Variants in FRMD5 observed in about 807,000 individuals in gnomAD.
FRMD5 encodes FERM domain containing 5, also known as FERM domain-containing protein 5.
Under a neutral mutation model 69.0 loss-of-function variants are expected in FRMD5, and 20 were observed. The ratio of observed to expected loss-of-function variants is 0.29; its 90% CI spans 0.20 to 0.42. The LOEUF is 0.42. Among genes scored for constraint, FRMD5 ranks in the 10% least tolerant of loss-of-function variants. The pLI, the probability that FRMD5 is intolerant of heterozygous loss-of-function variation, is 1.00. For synonymous variants in FRMD5, 271 were observed against 260.1 expected (o/e 1.04, Z -0.40); for missense variants, 595 against 708.6 (o/e 0.84, Z 1.82).
intron 1 of FRMD5, among the ~76,000 whole-genome samples, chr15:44,186,579 T>C (rs1309781164): frequency 6.6e-6 from 1 of 152,224 alleles, no homozygotes; most frequent in Non-Finnish European, 1.5e-5. Flanking sequence ...GCATGCGGGT[T>C]TGATGTACCA....
At chr15:44,011,188 T>TTTTCTTCCTCTCTCCCTCCC (rs11268407) in intron 1 of FRMD5, among the ~76,000 whole-genome samples, 130,483 of 148,586 alleles carry the variant, frequency 0.88, 58,361 homozygotes, top group East Asian at 1. Context: ...CCCTTCCTTC[T>TTTTCTTCCTCTCTCCCTCCC]TTTCTTCCTC....
At chr15:44,032,957 C>G (rs551261416) in intron 1 of FRMD5, among the ~76,000 whole-genome samples, 2 of 152,246 alleles carry the variant, frequency 1.3e-5, no homozygotes, top group South Asian at 2.1e-4. Flanking sequence ...AGGAATCAAC[C>G]TAAATGCCCA....
intron 1 of FRMD5, among the ~76,000 whole-genome samples, chr15:43,927,826 C>T (rs146498445): frequency 3.1e-4 from 47 of 151,948 alleles, no homozygotes; most frequent in African/African-American, 1.1e-3. Flanking sequence ...ATACATACAA[C>T]AACCAGATTA....
At chr15:43,918,154 G>A (rs566418812) in intron 4 of FRMD5, among the ~76,000 whole-genome samples, 1 of 152,294 alleles carries the variant, frequency 6.6e-6, no homozygotes, top group East Asian at 1.9e-4. Flanking sequence ...GGCCGGGCAC[G>A]GTGGCTCATG....
At chr15:43,908,227 C>G (rs2089216448) in intron 5 of FRMD5, among the ~76,000 whole-genome samples, 1 of 150,352 alleles carries the variant, frequency 6.7e-6, no homozygotes. Flanking sequence ...ACTTGGGAGG[C>G]TGAGGTGGGA....
intron 1 of FRMD5, among the ~76,000 whole-genome samples, chr15:44,065,831 C>G (rs1452374188): frequency 6.6e-6 from 1 of 152,172 alleles, no homozygotes; most frequent in African/African-American, 2.4e-5. Context: ...TACTTTTTAT[C>G]TCCATAATTG....
intron 13 of FRMD5, among the ~76,000 whole-genome samples, chr15:43,874,975 G>A (rs907287356): frequency 1.3e-5 from 2 of 149,792 alleles, no homozygotes; most frequent in Non-Finnish European, 3.0e-5. Context: ...CAAGGCGGGC[G>A]GATCATGAGG....
At chr15:44,104,532 T>C (rs976314460) in intron 1 of FRMD5, among the ~76,000 whole-genome samples, 1 of 152,194 alleles carries the variant, frequency 6.6e-6, no homozygotes, top group Non-Finnish European at 1.5e-5. Context: ...CCCATATAGG[T>C]GTACCATTTT....
rs541649379 is a variant in FRMD5 at position 43,888,546 on chromosome 15, C to T, written c.792+263G>A. Among the ~76,000 whole-genome samples the T allele has an allele frequency of 3.3e-5, 5 of 152,260 alleles. No individual in the cohort carries two copies. The East Asian group carries it at 7.7e-4, about 23-fold the overall frequency. ...CTTGCCTCTGGAATTCCCATATACA[C>T]GAAAGAAAAAGAGCCTTCCTTTGCA... On this transcript the variant is annotated intron_variant, in intron 9 of 13. Transcript: ENST00000417257.
intron 2 of FRMD5, among the ~76,000 whole-genome samples, chr15:43,921,584 T>G (rs948298713): frequency 6.6e-6 from 1 of 152,192 alleles, no homozygotes; most frequent in African/African-American, 2.4e-5. Flanking sequence ...AATATGGTGA[T>G]GGCCAGAGTG....
At chr15:44,080,313 A>G (rs1173211734) in intron 1 of FRMD5, among the ~76,000 whole-genome samples, 2 of 152,148 alleles carry the variant, frequency 1.3e-5, no homozygotes, top group Non-Finnish European at 2.9e-5. Flanking sequence ...GTTTGTAGGT[A>G]TATGGGATTA....
intron 1 of FRMD5, chr15:43,989,067 G>A (rs7179696): frequency 0.013 from 11,432 of 893,722 alleles, 499 homozygotes; most frequent in African/African-American, 0.11. Context: ...CCGCCTAGAA[G>A]CATCTGCGGT....
At chr15:44,153,419 A>G (rs2077477316) in intron 1 of FRMD5, among the ~76,000 whole-genome samples, 1 of 152,258 alleles carries the variant, frequency 6.6e-6, no homozygotes, top group African/African-American at 2.4e-5. Context: ...AGGCTTTAAC[A>G]TAAATAAACC....
At chr15:44,013,058 GC>G (rs1458498960) in intron 1 of FRMD5, among the ~76,000 whole-genome samples, 1 of 152,104 alleles carries the variant, frequency 6.6e-6, no homozygotes, top group Non-Finnish European at 1.5e-5. Context: ...GAGCCATTGC[GC>G]CCCGCCTATT....
rs2088197307 is a variant in FRMD5 at position 43,872,859 on chromosome 15, G to T, written c.*1026C>A. The T allele has an allele frequency of 3.4e-6, 1 of 290,850 alleles. No individual in the cohort carries two copies. The allele number at this position is 290,850 out of a possible 1,614,324, so 18.0% of individuals were successfully genotyped here. A position where few individuals can be genotyped will look rare whatever the true frequency, so the allele number is the denominator to read the frequency against. ...GTAAAAACAAAATATGAATTGTTAA[G>T]AAAATAACATTTCGTTGTTAAAATA... On this transcript the variant is annotated 3_prime_UTR_variant, in exon 14 of 14. Transcript: ENST00000417257.
chr15:43,910,600 A>AAAAAAT (rs11388674), intron 4 of FRMD5, among the ~76,000 whole-genome samples: 8 of 150,052 alleles, frequency 5.3e-5, no homozygotes, highest in Non-Finnish European at 1.2e-4. Flanking sequence ...AAAAAAAAAA[A>AAAAAAT]TTGCAACAAG....
intron 1 of FRMD5, among the ~76,000 whole-genome samples, chr15:44,051,416 G>T (rs552408562): frequency 6.6e-6 from 1 of 150,488 alleles, no homozygotes; most frequent in South Asian, 2.1e-4. Context: ...ACAAAAATTA[G>T]CCCAGTTTTA....
intron 1 of FRMD5, among the ~76,000 whole-genome samples, chr15:44,139,263 A>G (rs928082697): frequency 1.3e-5 from 2 of 151,378 alleles, no homozygotes; most frequent in African/African-American, 4.9e-5. Context: ...AACAATTACA[A>G]GAACAGAAAC....
chr15:43,951,982 GTGTGTGTGTGTGTGTGTC>G (rs1236607038), intron 1 of FRMD5, among the ~76,000 whole-genome samples: 13 of 104,348 alleles, frequency 1.2e-4, no homozygotes, highest in East Asian at 8.5e-4. Context: ...TGTGTGTGTT[GTGTGTGTGTGTGTGTGTC>G]TGTGTGTGTG....
Sources: gnomAD v4.1 joint callset for allele counts (sites outside exome capture counted in the v4.1 genomes callset) on GRCh38, gnomAD v4.1.1 for gene constraint, MANE v1.5 for transcripts, NCBI Gene and HGNC (gene_info 2026-07-23, HGNC 2026-07-21) for gene names.